The following ARID3A variants were observed in gnomAD, a reference collection of about 807,000 sequenced individuals.
ARID3A encodes the protein AT-rich interaction domain 3A.
In ARID3A, 11 loss-of-function variants were observed where a neutral mutation model predicts 52.7. The ratio of observed to expected loss-of-function variants is 0.21; its 90% CI spans 0.13 to 0.35. ARID3A has a LOEUF of 0.35. ARID3A is among the 10% of genes least tolerant of loss of function. The pLI is 1.00. For synonymous variants in ARID3A, 404 were observed against 359.4 expected (o/e 1.12, Z -1.40); for missense variants, 721 against 838.5 (o/e 0.86, Z 1.73).
intron 4 of ARID3A, among the ~76,000 whole-genome samples, chr19:962,112 C>T (rs1381890256): frequency 1.3e-5 from 2 of 152,156 alleles, no homozygotes; most frequent in Non-Finnish European, 2.9e-5. Flanking sequence ...TCCTTGGCTT[C>T]CTCCAGGAGC....
Position 965,053 on chromosome 19 carries a change from A to G in ARID3A, c.1171A>G (p.Ile391Val), listed in dbSNP as rs771180105. 5 of 1,611,788 alleles carry G rather than the reference A, an allele frequency of 3.1e-6. No individual in the cohort carries two copies. The South Asian group carries it at 5.5e-5, about 18-fold the overall frequency. ...GGCCGCAAGCACCAATGGCAGCTCC[A>G]TCACCCCCGCCCCTAAGATCAAGAA... ...GLAASTNGSS[I>V]TPAPKIKKEE... is the part of the protein sequence containing the mutation. The change falls in exon 6 of 9, where the codon ATC (isoleucine) becomes GTC (valine). Residue 391 changes from isoleucine (I) to valine (V), a missense_variant. Physicochemically the swap from Ile to Val is conservative, Grantham distance 29. Coordinates refer to ENST00000263620, the MANE Select transcript of ARID3A (RefSeq NM_005224.3).
chr19:947,903 G>A lies in ARID3A; in HGVS notation c.694-12189G>A, dbSNP rs750235931. Among the ~76,000 whole-genome samples, 1 of 152,174 alleles carries A rather than the reference G, an allele frequency of 6.6e-6. No homozygotes were observed. Among genetic ancestry groups the A allele is most frequent in the African/African-American group, 2.4e-5 (1 of 41,450 alleles). Reference sequence around the variant, plus strand: ...GCTCTCAGCATCTGCATCCGCCGAGGCCTGGCTGTGCTGACGGGAATTGAA... The same window carrying A: ...GCTCTCAGCATCTGCATCCGCCGAGACCTGGCTGTGCTGACGGGAATTGAA... On this transcript the variant is annotated intron_variant, in intron 3 of 8. Coordinates refer to ENST00000263620, the MANE Select transcript of ARID3A (RefSeq NM_005224.3). This position sits in a 1 kb window ranked among gnomAD's most constrained non-coding sequence, Gnocchi z 6.3.
chr19:934,532 A>AG (rs921214871), intron 3 of ARID3A, among the ~76,000 whole-genome samples: 5 of 152,172 alleles, frequency 3.3e-5, no homozygotes, highest in African/African-American at 9.6e-5. Flanking sequence ...CAGTGCAGGG[A>AG]GGGGGGTCAC....
rs1438641099 is a variant in ARID3A, at chr19:975,381, G to A, written c.*3316G>A. The A allele has an allele frequency of 4.3e-6, 1 of 231,598 alleles. No homozygotes were observed. Among genetic ancestry groups the A allele is most frequent in the Non-Finnish European group, 8.5e-6 (1 of 117,102 alleles). The allele number at this position is 231,598 out of a possible 1,614,324, so 14.3% of individuals were successfully genotyped here. A position where few individuals can be genotyped will look rare whatever the true frequency, so the allele number is the denominator to read the frequency against. On this transcript the variant is annotated 3_prime_UTR_variant, in exon 9 of 9. Coordinates refer to ENST00000263620, the MANE Select transcript of ARID3A (RefSeq NM_005224.3). ...GGCACGGGGCACGGGGGGCAGCTGGGGTCGTTGTTAAGGGTCACGCATCTG... is the reference window on the plus strand; with the variant it reads ...GGCACGGGGCACGGGGGGCAGCTGGAGTCGTTGTTAAGGGTCACGCATCTG...
intron 8 of ARID3A, chr19:968,741 G>A (rs2038217064): frequency 2.3e-6 from 1 of 436,508 alleles, no homozygotes; most frequent in African/African-American, 2.0e-5. Flanking sequence ...TGTGACGTTG[G>A]ATGGTTCACA....
At chr19:930,694 A>G (rs752992475) in intron 2 of ARID3A, among the ~76,000 whole-genome samples, 10 of 150,614 alleles carry the variant, frequency 6.6e-5, no homozygotes, top group Non-Finnish European at 1.3e-4. Context: ...TATTTTTAGT[A>G]GAGACGGGGT....
At chr19:966,510 C>A in intron 6 of ARID3A, 62 bp from the exon 7 acceptor site, 1 of 1,378,634 alleles carries the variant, frequency 7.3e-7, no homozygotes, top group Non-Finnish European at 9.8e-7. Flanking sequence ...CATGTTCCTG[C>A]CTTGAGTGGA....
intron 3 of ARID3A, among the ~76,000 whole-genome samples, chr19:957,768 C>CA (rs1489105431): frequency 6.6e-6 from 1 of 152,138 alleles, no homozygotes; most frequent in Non-Finnish European, 1.5e-5. Context: ...CCCTTGAGCC[C>CA]AGGAGGTTGA....
At position 975,674 on chromosome 19, in the gene ARID3A, C is replaced by G. The variant is rs1266861316; in HGVS notation, c.*3609C>G. The G allele has an allele frequency of 9.7e-6, 2 of 206,378 alleles. No homozygotes were observed. Among genetic ancestry groups the G allele is most frequent in the Non-Finnish European group, 2.0e-5 (2 of 102,518 alleles). The allele number at this position is 206,378 out of a possible 1,614,324, so 12.8% of individuals were successfully genotyped here. A position where few individuals can be genotyped will look rare whatever the true frequency, so the allele number is the denominator to read the frequency against. On this transcript the variant is annotated 3_prime_UTR_variant, in exon 9 of 9. Transcript: ENST00000263620. ...CTGGCTGGGCCCAGCCTGTCTCGCC[C>G]TGGCCGCGGCAGGGTGGCCTGTAAC...
chr19:932,762 G>T lies in ARID3A; in HGVS notation c.693+20G>T, dbSNP rs1461763418. 3.2e-6 allele frequency: 5 copies of T among 1,546,230 alleles called. No individual in the cohort carries two copies. Among genetic ancestry groups the T allele is most frequent in the Non-Finnish European group, 4.4e-6 (5 of 1,146,226 alleles). On this transcript the variant is annotated intron_variant, in intron 3 of 8. Transcript: ENST00000263620. ...AAGCAGGTGAGTGGGCGCGTCCCGC[G>T]TGGCGGCTGAGGCACCTGCTCCTGG...
rs768315126 is a variant in ARID3A at position 931,451 on chromosome 19, C to CAA, written c.369-952_369-951dup. 3.3e-3 allele frequency among the ~76,000 whole-genome samples: 260 copies of CAA among 79,536 alleles called. 4 individuals carry two copies. The highest frequency in any genetic ancestry group is 9.9e-3 in the African/African-American group (234 of 23,746). The allele number at this position is 79,536 out of a possible 152,430, so 52.2% of individuals were successfully genotyped here. On this transcript the variant is annotated intron_variant, in intron 2 of 8. Coordinates refer to ENST00000263620, the MANE Select transcript of ARID3A (RefSeq NM_005224.3). ...TGGGCAACAAAGTGAGACTGTGTCTCAAAAAAAAAAAAAAAACAACCAAAC... is the reference window on the plus strand; with the variant it reads ...TGGGCAACAAAGTGAGACTGTGTCTCAAAAAAAAAAAAAAAAAACAACCAAAC...
chr19:939,414 G>T (rs1476346434), intron 3 of ARID3A, among the ~76,000 whole-genome samples: 2 of 152,112 alleles, frequency 1.3e-5, no homozygotes, highest in Non-Finnish European at 2.9e-5. Context: ...ACCGCGCCCG[G>T]CCTCTCGATA....
intron 3 of ARID3A, among the ~76,000 whole-genome samples, chr19:952,520 C>T (rs371617578): frequency 3.0e-4 from 46 of 151,478 alleles, no homozygotes; most frequent in African/African-American, 1.0e-3. Flanking sequence ...TCGGGCCAAC[C>T]CTCCTGGAGG....
intron 3 of ARID3A, among the ~76,000 whole-genome samples, chr19:955,485 C>T (rs1213000549): frequency 2.0e-5 from 3 of 152,214 alleles, no homozygotes; most frequent in Admixed American, 2.0e-4. Flanking sequence ...ACCATTTGGC[C>T]TGGGAGTTAA....
At chr19:928,931 C>T (rs938962059) in intron 1 of ARID3A, 1 of 152,278 alleles carries the variant, frequency 6.6e-6, no homozygotes, top group Non-Finnish European at 1.5e-5. Flanking sequence ...ACTTAGAACC[C>T]ACCTGACTGG....
At position 966,967 on chromosome 19, in the gene ARID3A, GAA is replaced by G. The variant is rs397783817; in HGVS notation, c.1495+107_1495+108del. On this transcript the variant is annotated intron_variant, in intron 7 of 8. Transcript: ENST00000263620. Reference sequence around the variant, plus strand: ...GTAAAGAGTGCCAACAAATCAATAAGAAAAAAAAAGCCGGGTGCAGTGGCTGA... The same window carrying G: ...GTAAAGAGTGCCAACAAATCAATAAGAAAAAAAGCCGGGTGCAGTGGCTGA... 1.2e-5 allele frequency: 14 copies of G among 1,171,382 alleles called. No individual in the cohort carries two copies. In the East Asian group the frequency reaches 2.6e-4, roughly 22 times the overall value. 72.6% of individuals were successfully genotyped at this position (1,171,382 alleles called of 1,614,324 possible). A position where few individuals can be genotyped will look rare whatever the true frequency, so the allele number is the denominator to read the frequency against.
At chr19:932,813 C>T (rs565138656) in intron 3 of ARID3A, 71 bp downstream of exon 3, 37 of 1,538,802 alleles carry the variant, frequency 2.4e-5, no homozygotes, top group Admixed American at 8.1e-5. Context: ...TGAAGGCCCA[C>T]GTTGCACGGG....
At chr19:951,961 C>A (rs1349023961) in intron 3 of ARID3A, among the ~76,000 whole-genome samples, 1 of 151,610 alleles carries the variant, frequency 6.6e-6, no homozygotes, top group African/African-American at 2.4e-5. Context: ...CATGGTGAAA[C>A]CCCGTCTCTG....
chr19:934,488 C>A (rs1250252206), intron 3 of ARID3A, among the ~76,000 whole-genome samples: 1 of 152,212 alleles, frequency 6.6e-6, no homozygotes, highest in Non-Finnish European at 1.5e-5. Context: ...TGGGGTTTTT[C>A]TGCAGCGGGA....
Sources: allele counts gnomAD v4.1 joint callset (sites outside exome capture counted in the v4.1 genomes callset), GRCh38; gene constraint gnomAD v4.1.1; non-coding constraint Gnocchi (gnomAD v3.1); transcripts MANE v1.5; gene names NCBI Gene and HGNC (gene_info 2026-07-23, HGNC 2026-07-21).